Variants in ATXN7L1 observed in about 807,000 individuals in gnomAD.
ATXN7L1 encodes the protein ataxin 7 like 1, also known as ataxin-7-like protein 1.
ATXN7L1 carries 15 observed loss-of-function variants against 70.8 expected under a neutral mutation model. The ratio of observed to expected loss-of-function variants is 0.21; its 90% CI spans 0.14 to 0.33. The LOEUF is 0.33. Among genes scored for constraint, ATXN7L1 ranks in the 10% least tolerant of loss-of-function variants. The pLI, the probability that ATXN7L1 is intolerant of heterozygous loss-of-function variation, is 1.00. For missense variants in ATXN7L1, 975 were observed against 1,097.1 expected (o/e 0.89, Z 1.57); for synonymous variants, 440 against 445.1 (o/e 0.99, Z 0.14).
intron 2 of ATXN7L1, among the ~76,000 whole-genome samples, chr7:105,796,227 G>T (rs943114487): frequency 6.6e-6 from 1 of 152,196 alleles, no homozygotes; most frequent in Non-Finnish European, 1.5e-5. Context: ...GGTGGGCGTG[G>T]TCGTGCGCAC....
intron 2 of ATXN7L1, among the ~76,000 whole-genome samples, chr7:105,834,061 GA>G (rs1812021438): frequency 6.6e-6 from 1 of 151,956 alleles, no homozygotes; most frequent in African/African-American, 2.4e-5. Flanking sequence ...ATTTATTTTT[GA>G]GACAAAGTCT....
At chr7:105,793,883 C>T (rs1405443585) in intron 2 of ATXN7L1, among the ~76,000 whole-genome samples, 3 of 152,134 alleles carry the variant, frequency 2.0e-5, no homozygotes, top group African/African-American at 7.2e-5. Flanking sequence ...GGTACATTGG[C>T]TTCTGGGTCA....
At chr7:105,618,912 A>T (rs1041420263) in intron 9 of ATXN7L1, among the ~76,000 whole-genome samples, 1 of 152,152 alleles carries the variant, frequency 6.6e-6, no homozygotes, top group Non-Finnish European at 1.5e-5. Context: ...TGGGAAGTGG[A>T]TAGTAAAGGA....
rs1475445582 is a variant in ATXN7L1 at position 105,665,213 on chromosome 7, A to G, written c.431T>C (p.Val144Ala). 1.3e-6 allele frequency: 2 copies of G among 1,551,680 alleles called. No homozygotes were observed. The highest frequency in any genetic ancestry group is 4.9e-5 in the East Asian group (2 of 40,912). The change falls in exon 4 of 12, where the codon GTA becomes GCA. Residue 144 changes from valine (V) to alanine (A), a missense_variant. Transcript: ENST00000419735. ...GAGACAGGCTTTTGTTTTCACCTGT[A>G]CTAGTGATGTCCTGGGATTGGAGGC... ...SPASNPRTSL[V>A]QVKTKACLSG...
chr7:105,631,115 T>C (rs1170710894), intron 7 of ATXN7L1, among the ~76,000 whole-genome samples: 1 of 152,186 alleles, frequency 6.6e-6, no homozygotes, highest in Non-Finnish European at 1.5e-5. Flanking sequence ...CTGGACCTCA[T>C]GTAGCATGCG....
chr7:105,679,739 G>A (rs1012788431), intron 3 of ATXN7L1, among the ~76,000 whole-genome samples: 48 of 152,218 alleles, frequency 3.2e-4, no homozygotes, highest in African/African-American at 1.1e-3. Flanking sequence ...TAAAACCATA[G>A]AGACAGAAAG....
chr7:105,835,466 T>TAA (rs776975613), intron 2 of ATXN7L1, among the ~76,000 whole-genome samples: 1 of 144,048 alleles, frequency 6.9e-6, no homozygotes, highest in Non-Finnish European at 1.5e-5. Flanking sequence ...ATTGTATAAT[T>TAA]AAAAAAAAAA....
intron 3 of ATXN7L1, among the ~76,000 whole-genome samples, chr7:105,743,509 C>A (rs1440647249): frequency 1.3e-5 from 2 of 152,200 alleles, no homozygotes; most frequent in African/African-American, 4.8e-5. Flanking sequence ...TCACTGTCAC[C>A]TCTGGAAAGT....
intron 3 of ATXN7L1, among the ~76,000 whole-genome samples, chr7:105,722,880 G>A (rs71564734): frequency 0.059 from 8,895 of 151,206 alleles, 294 homozygotes; most frequent in Admixed American, 0.069. Flanking sequence ...GTGAGACTCC[G>A]GCTCAAAGAA....
At chr7:105,779,703 A>T (rs1803258071) in intron 3 of ATXN7L1, among the ~76,000 whole-genome samples, 1 of 152,234 alleles carries the variant, frequency 6.6e-6, no homozygotes, top group Non-Finnish European at 1.5e-5. Flanking sequence ...AGATGATATC[A>T]ATACCAGGAG....
At chr7:105,780,407 C>T (rs1398536485) in intron 3 of ATXN7L1, among the ~76,000 whole-genome samples, 1 of 152,128 alleles carries the variant, frequency 6.6e-6, no homozygotes, top group Admixed American at 6.5e-5. Flanking sequence ...TCTACTGCAT[C>T]ACCATCAACA....
At chr7:105,685,736 C>T (rs1354628152) in intron 3 of ATXN7L1, among the ~76,000 whole-genome samples, 2 of 152,192 alleles carry the variant, frequency 1.3e-5, no homozygotes, top group Non-Finnish European at 2.9e-5. Flanking sequence ...GGCTTGACCC[C>T]AGTCAATCCC....
intron 7 of ATXN7L1, among the ~76,000 whole-genome samples, chr7:105,629,719 T>C (rs1359871501): frequency 1.3e-5 from 2 of 151,808 alleles, no homozygotes; most frequent in East Asian, 1.9e-4. Context: ...GATTAAGCCA[T>C]GTTAACCAGG....
At chr7:105,807,520 C>T (rs985385414) in intron 2 of ATXN7L1, among the ~76,000 whole-genome samples, 5 of 152,238 alleles carry the variant, frequency 3.3e-5, no homozygotes, top group Non-Finnish European at 7.3e-5. Context: ...TTATACCTTC[C>T]AATCTTCACA....
At chr7:105,621,060 A>C (rs547304589) in intron 8 of ATXN7L1, among the ~76,000 whole-genome samples, 10 of 152,216 alleles carry the variant, frequency 6.6e-5, no homozygotes, top group African/African-American at 2.4e-4. Flanking sequence ...CACCTTTCCT[A>C]TCTGATGTCA....
rs187048810 is a variant in ATXN7L1 at position 105,740,390 on chromosome 7, C to T, written c.355+48214G>A. ...TAGTGACGATCACAGAGGCAATGTGCACTCTCTGGGGCTTCCAGAACAGGC... is the reference window on the plus strand; with the variant it reads ...TAGTGACGATCACAGAGGCAATGTGTACTCTCTGGGGCTTCCAGAACAGGC... On this transcript the variant is annotated intron_variant, in intron 3 of 11. Transcript: ENST00000419735. Among the ~76,000 whole-genome samples, 17 of 152,306 alleles carry T rather than the reference C, an allele frequency of 1.1e-4. No homozygotes were observed. In the East Asian group the frequency reaches 2.9e-3, roughly 26 times the overall value.
At chr7:105,723,642 G>A (rs889530089) in intron 3 of ATXN7L1, among the ~76,000 whole-genome samples, 12 of 152,204 alleles carry the variant, frequency 7.9e-5, no homozygotes, top group Non-Finnish European at 1.3e-4. Context: ...TGTGCACTTT[G>A]TGTCAAAGCC....
At chr7:105,808,615 A>G (rs1563110346) in intron 2 of ATXN7L1, among the ~76,000 whole-genome samples, 1 of 152,254 alleles carries the variant, frequency 6.6e-6, no homozygotes, top group East Asian at 1.9e-4. Flanking sequence ...CCTTGTTAAG[A>G]AGAGAGAAAA....
intron 3 of ATXN7L1, among the ~76,000 whole-genome samples, chr7:105,675,765 A>C (rs1315209260): frequency 6.6e-6 from 1 of 152,264 alleles, no homozygotes; most frequent in East Asian, 1.9e-4. Flanking sequence ...GACAACAACA[A>C]AACACTAACA....
Sources: allele counts gnomAD v4.1 joint callset (sites outside exome capture counted in the v4.1 genomes callset), GRCh38; gene constraint gnomAD v4.1.1; transcripts MANE v1.5; gene names NCBI Gene and HGNC (gene_info 2026-07-23, HGNC 2026-07-21).